Variants in HERC4 observed in about 807,000 individuals in gnomAD.
HERC4 encodes probable E3 ubiquitin-protein ligase HERC4.
Under a neutral mutation model 124.3 loss-of-function variants are expected in HERC4, and 28 were observed. That is an observed-to-expected ratio of 0.23 (90% confidence interval 0.17 to 0.31). The LOEUF (loss-of-function observed/expected upper bound fraction) is 0.31. Among genes scored for constraint, HERC4 ranks in the 10% least tolerant of loss-of-function variants. HERC4 has a pLI of 1.00. For missense variants in HERC4, 713 were observed against 1,229.3 expected, an observed-to-expected ratio of 0.58 and a Z score of 6.28; for synonymous variants, 407 against 421.5, an observed-to-expected ratio of 0.97 and a Z score of 0.42.
intron 15 of HERC4, among the ~76,000 whole-genome samples, chr10:67,983,403 T>C (rs2036054401): frequency 6.6e-6 from 1 of 152,144 alleles, no homozygotes; most frequent in Non-Finnish European, 1.5e-5. Flanking sequence ...CAGTATATCA[T>C]ACAGGTATTT....
intron 3 of HERC4, among the ~76,000 whole-genome samples, chr10:68,049,204 A>G (rs1421297984): frequency 1.3e-5 from 2 of 152,116 alleles, no homozygotes; most frequent in Non-Finnish European, 2.9e-5. Flanking sequence ...AAAATCAAGA[A>G]AAGAGGAAAC....
chr10:68,039,334 A>AT, intron 4 of HERC4: 1 of 1,394,870 alleles, frequency 7.2e-7, no homozygotes, highest in Non-Finnish European at 9.4e-7. Context: ...AAAAAAAAAA[A>AT]GAAAGAAAGA....
intron 15 of HERC4, among the ~76,000 whole-genome samples, chr10:67,970,386 G>A (rs1317183539): frequency 6.6e-6 from 1 of 152,170 alleles, no homozygotes; most frequent in Non-Finnish European, 1.5e-5. Context: ...GAAGTCAGGA[G>A]TTCAAGACCA....
intron 15 of HERC4, among the ~76,000 whole-genome samples, chr10:67,967,061 A>G (rs548890710): frequency 1.3e-5 from 2 of 152,298 alleles, no homozygotes; most frequent in South Asian, 2.1e-4. Context: ...TCATCGTGTT[A>G]GCCAGGATGG....
chr10:68,020,632 A>G (rs2038561190), intron 8 of HERC4, among the ~76,000 whole-genome samples: 1 of 150,996 alleles, frequency 6.6e-6, no homozygotes, highest in Non-Finnish European at 1.5e-5. Flanking sequence ...AGCCGGGCGT[A>G]GTGGCGGGCG....
chr10:67,983,086 A>AC (rs1402638096), intron 15 of HERC4, among the ~76,000 whole-genome samples: 1 of 151,720 alleles, frequency 6.6e-6, no homozygotes. Flanking sequence ...AAAAAAAAAA[A>AC]AAAACAAAAC....
chr10:67,991,312 A>G, intron 11 of HERC4, 113 bp from the exon 12 acceptor site: 1 of 509,414 alleles, frequency 2.0e-6, no homozygotes, highest in Non-Finnish European at 3.3e-6. Flanking sequence ...GCTACAGAGC[A>G]CTCCTCTAAC....
At chr10:67,963,629 C>T (rs1284653750) in intron 16 of HERC4, among the ~76,000 whole-genome samples, 1 of 152,162 alleles carries the variant, frequency 6.6e-6, no homozygotes, top group Non-Finnish European at 1.5e-5. Flanking sequence ...TAAGTGAACA[C>T]TGGGCTTCTT....
intron 16 of HERC4, among the ~76,000 whole-genome samples, chr10:67,958,556 TAAAG>T (rs1255832557): frequency 6.6e-6 from 1 of 152,122 alleles, no homozygotes; most frequent in African/African-American, 2.4e-5. Flanking sequence ...CTATAACGGA[TAAAG>T]AAAGTATTAT....
intron 15 of HERC4, among the ~76,000 whole-genome samples, chr10:67,969,356 G>A (rs2035087996): frequency 6.6e-6 from 1 of 152,112 alleles, no homozygotes; most frequent in Admixed American, 6.6e-5. Flanking sequence ...TGAGTGTGGG[G>A]TAGCTTGATA....
chr10:67,980,308 T>C (rs2035853629), intron 15 of HERC4, among the ~76,000 whole-genome samples: 1 of 152,044 alleles, frequency 6.6e-6, no homozygotes, highest in Non-Finnish European at 1.5e-5. Flanking sequence ...TAATTTTGTA[T>C]TTTTAGTAGA....
intron 15 of HERC4, among the ~76,000 whole-genome samples, chr10:67,979,355 G>A (rs796264047): frequency 3.9e-5 from 6 of 152,078 alleles, no homozygotes; most frequent in African/African-American, 1.4e-4. Context: ...GAATGTCTCA[G>A]AGTCTTTTAA....
chr10:68,044,207 T>TA (rs2133497470), intron 4 of HERC4, among the ~76,000 whole-genome samples, 197 bp downstream of exon 4: 1 of 144,882 alleles, frequency 6.9e-6, no homozygotes, highest in Non-Finnish European at 1.5e-5. Context: ...AGAGAAAATA[T>TA]AGAGTATATA....
At chr10:67,926,292 G>C (rs1372984387) in intron 23 of HERC4, among the ~76,000 whole-genome samples, 1 of 152,070 alleles carries the variant, frequency 6.6e-6, no homozygotes, top group Non-Finnish European at 1.5e-5. Context: ...CTACTTGGGG[G>C]AGGCTAAGGC....
chr10:68,008,949 A>G (rs1429306347), intron 9 of HERC4, among the ~76,000 whole-genome samples: 1 of 152,198 alleles, frequency 6.6e-6, no homozygotes, highest in Non-Finnish European at 1.5e-5. Context: ...GCCTGGGCGC[A>G]GTGGTTCACT....
chr10:68,053,587 G>A (rs935226375), intron 3 of HERC4, among the ~76,000 whole-genome samples: 7 of 152,038 alleles, frequency 4.6e-5, no homozygotes, highest in South Asian at 4.1e-4. Flanking sequence ...CACAGCACCC[G>A]GCCTGGGGAC....
chr10:67,935,357 G>C (rs757326415), intron 22 of HERC4, among the ~76,000 whole-genome samples: 1 of 152,096 alleles, frequency 6.6e-6, no homozygotes, highest in Admixed American at 6.5e-5. Flanking sequence ...GCATTAGCCA[G>C]GATGGTCTCG....
Position 67,939,621 on chromosome 10 carries a change from A to G in HERC4, c.2538T>C (p.Asp846=), listed in dbSNP as rs2032696825. 6.2e-7 allele frequency: 1 copy of G among 1,609,832 alleles called. No individual in the cohort carries two copies. The highest frequency in any genetic ancestry group is 8.5e-7 in the Non-Finnish European group (1 of 1,178,100). The change falls in exon 21 of 25, where the codon GAT becomes GAC. Residue 846 remains aspartate (D), a synonymous_variant. Coordinates refer to ENST00000373700, the MANE Select transcript of HERC4 (RefSeq NM_015601.4). ...SMQQLLDYPE[D]DIEETFCLNF... ...TAAGACAAAATGTTTCCTCTATGTC[A>G]TCTTCTGGATAATCCAGTAACTGTT...
chr10:67,959,158 TAAC>T (rs748108321), intron 16 of HERC4: 1 of 1,575,614 alleles, frequency 6.3e-7, no homozygotes, highest in South Asian at 1.2e-5. Flanking sequence ...GTGCAGAATA[TAAC>T]AATAACGAGG....
Sources: allele counts gnomAD v4.1 joint callset (sites outside exome capture counted in the v4.1 genomes callset), GRCh38; gene constraint gnomAD v4.1.1; transcripts MANE v1.5; gene names NCBI Gene and HGNC (gene_info 2026-07-23, HGNC 2026-07-21).